The following SPAG6 variants were observed in gnomAD, a reference collection of about 807,000 sequenced individuals.
SPAG6 encodes sperm associated antigen 6, also known as sperm-associated antigen 6.
In SPAG6, 49 loss-of-function variants were observed where a neutral mutation model predicts 58.5. The observed-to-expected ratio is 0.84, with a 90% CI of 0.67 to 1.06. The LOEUF is 1.06. Ranked by LOEUF, SPAG6 falls within the 50% of genes least tolerant of loss-of-function variation. SPAG6 has a pLI of 0.00. For missense variants in SPAG6, 560 were observed against 611.3 expected (o/e 0.92, Z 0.89); for synonymous variants, 233 against 225.6 (o/e 1.03, Z -0.29).
intron 2 of SPAG6, among the ~76,000 whole-genome samples, chr10:22,352,140 G>T (rs183261103): frequency 1.3e-3 from 205 of 151,874 alleles, no homozygotes; most frequent in African/African-American, 4.9e-3. Flanking sequence ...CAGCCTGGGC[G>T]ACAGAGCGAG....
chr10:22,413,637 G>A (rs559637427), intron 10 of SPAG6, among the ~76,000 whole-genome samples: 16 of 149,966 alleles, frequency 1.1e-4, no homozygotes, highest in African/African-American at 4.0e-4. Context: ...TTTAAAATTG[G>A]CTAATTATTA....
At chr10:22,401,137 A>T (rs753363511) in intron 8 of SPAG6, 24 bp from the exon 9 acceptor site, 3 of 1,056,290 alleles carry the variant, frequency 2.8e-6, no homozygotes, top group South Asian at 2.5e-5. Flanking sequence ...TTACTTATGT[A>T]TACATTCTGC....
intron 7 of SPAG6, among the ~76,000 whole-genome samples, chr10:22,390,069 A>AT (rs201942899): frequency 5.9e-5 from 9 of 151,954 alleles, no homozygotes; most frequent in Admixed American, 1.3e-4. Flanking sequence ...AGAAATGTGG[A>AT]TTTTTTTTAT....
chr10:22,409,030 C>T (rs1834646124), intron 9 of SPAG6, among the ~76,000 whole-genome samples: 2 of 152,218 alleles, frequency 1.3e-5, no homozygotes, highest in South Asian at 4.1e-4. Flanking sequence ...CTGTCTGGCA[C>T]TCCCTAGTGA....
Position 22,387,964 on chromosome 10 carries a change from T to C in SPAG6, c.820T>C (p.Leu274=). The C allele has an allele frequency of 1.2e-6, 2 of 1,611,984 alleles. No homozygotes were observed. Among genetic ancestry groups the C allele is most frequent in the South Asian group, 2.2e-5 (2 of 90,492 alleles). ...DEYVKKNAST[L]IREIAKHTPE... ...ATACGTGAAGAAAAATGCTTCTACTTTAATTAGAGAGATTGCAAAACATAC... is the reference window on the plus strand; with the variant it reads ...ATACGTGAAGAAAAATGCTTCTACTCTAATTAGAGAGATTGCAAAACATAC... Residue 274 remains leucine, a synonymous_variant, in exon 6 of 11, where the codon TTA becomes CTA. Transcript: ENST00000376624.
chr10:22,403,571 T>G (rs1005105505), intron 9 of SPAG6, among the ~76,000 whole-genome samples: 4 of 150,802 alleles, frequency 2.7e-5, no homozygotes, highest in African/African-American at 9.9e-5. Flanking sequence ...TCTTTGCTAT[T>G]GTGAATAGTG....
At chr10:22,352,381 T>C (rs1255109060) in intron 2 of SPAG6, among the ~76,000 whole-genome samples, 1 of 152,204 alleles carries the variant, frequency 6.6e-6, no homozygotes, top group Non-Finnish European at 1.5e-5. Flanking sequence ...TATCACCCTT[T>C]TTTTAAAAAA....
chr10:22,364,915 G>C lies in SPAG6; in HGVS notation c.184G>C (p.Ala62Pro). Residue 62 changes from alanine (A) to proline (P), a missense_variant, in exon 3 of 11, where the codon GCT (alanine) becomes CCT (proline). Coordinates refer to ENST00000376624, the MANE Select transcript of SPAG6 (RefSeq NM_012443.4). Reference sequence around the variant, plus strand: ...GGTCCCAACAATTCAACAGACTGCTGCTTTGGCTCTTGGGAGACTGGCCAA... The same window carrying C: ...GGTCCCAACAATTCAACAGACTGCTCCTTTGGCTCTTGGGAGACTGGCCAA... ...DVVPTIQQTAALALGRLANYN... is the reference protein window; with the variant it reads ...DVVPTIQQTAPLALGRLANYN... The C allele has an allele frequency of 6.2e-7, 1 of 1,613,520 alleles. No individual in the cohort carries two copies. Among genetic ancestry groups the C allele is most frequent in the Non-Finnish European group, 8.5e-7 (1 of 1,179,638 alleles).
intron 8 of SPAG6, among the ~76,000 whole-genome samples, chr10:22,394,976 C>G (rs1834262959): frequency 6.6e-6 from 1 of 152,140 alleles, no homozygotes; most frequent in African/African-American, 2.4e-5. Flanking sequence ...TCCCAAAGCA[C>G]TGGGATAAGA....
At chr10:22,380,971 T>C (rs1042516264) in intron 4 of SPAG6, among the ~76,000 whole-genome samples, 1 of 152,194 alleles carries the variant, frequency 6.6e-6, no homozygotes, top group Non-Finnish European at 1.5e-5. Context: ...TGATCACTTG[T>C]TTGCTCAAAT....
intron 4 of SPAG6, among the ~76,000 whole-genome samples, chr10:22,385,885 T>C (rs992385745): frequency 5.3e-5 from 8 of 152,176 alleles, no homozygotes; most frequent in African/African-American, 1.9e-4. Flanking sequence ...TGGGTGTCTG[T>C]GATTCAGTAA....
intron 4 of SPAG6, among the ~76,000 whole-genome samples, chr10:22,382,333 A>G (rs1280409069): frequency 1.3e-5 from 2 of 152,326 alleles, no homozygotes; most frequent in East Asian, 3.9e-4. Context: ...GTACATTTTT[A>G]TCTACATATA....
chr10:22,407,677 G>T (rs1834594779), intron 9 of SPAG6, among the ~76,000 whole-genome samples: 3 of 152,068 alleles, frequency 2.0e-5, no homozygotes, highest in African/African-American at 7.2e-5. Flanking sequence ...GAATCTCAAT[G>T]TTGGCCTGCC....
At chr10:22,354,110 T>C (rs898924793) in intron 2 of SPAG6, among the ~76,000 whole-genome samples, 1 of 152,200 alleles carries the variant, frequency 6.6e-6, no homozygotes, top group Non-Finnish European at 1.5e-5. Flanking sequence ...AGTGTTTTAA[T>C]TGGAAGAGTC....
At chr10:22,346,076 A>G (rs1472735257) in intron 2 of SPAG6, 1 of 1,517,386 alleles carries the variant, frequency 6.6e-7, no homozygotes, top group East Asian at 2.6e-5. Flanking sequence ...TCGAGGCCCT[A>G]GGAATTGCCT....
chr10:22,384,916 T>C (rs548904890), intron 4 of SPAG6, among the ~76,000 whole-genome samples: 1 of 152,280 alleles, frequency 6.6e-6, no homozygotes, highest in East Asian at 1.9e-4. Context: ...TTAAAAAGCA[T>C]CTTGAGTTTT....
intron 9 of SPAG6, among the ~76,000 whole-genome samples, chr10:22,408,721 G>A (rs975285666): frequency 1.2e-4 from 18 of 152,186 alleles, no homozygotes; most frequent in Non-Finnish European, 2.2e-4. Context: ...AATGGCGGGC[G>A]CCCCTCCCCC....
intron 2 of SPAG6, among the ~76,000 whole-genome samples, chr10:22,352,116 G>A (rs1005528828): frequency 2.6e-4 from 39 of 151,830 alleles, no homozygotes; most frequent in African/African-American, 2.2e-4. Context: ...ACCCGAGATC[G>A]CTCCACTGTG....
chr10:22,399,045 C>T (rs1168407139), intron 8 of SPAG6, among the ~76,000 whole-genome samples: 1 of 152,276 alleles, frequency 6.6e-6, no homozygotes, highest in East Asian at 1.9e-4. Context: ...TCTCGAACTC[C>T]TGACCTCAGG....
Sources: gnomAD v4.1 joint callset for allele counts (sites outside exome capture counted in the v4.1 genomes callset) on GRCh38, gnomAD v4.1.1 for gene constraint, MANE v1.5 for transcripts, NCBI Gene and HGNC (gene_info 2026-07-23, HGNC 2026-07-21) for gene names.